Variants in EIF4G1 observed in about 807,000 individuals in gnomAD.
The protein encoded by EIF4G1 is EIF4-gamma.
EIF4G1 carries 4 observed loss-of-function variants against 187.8 expected under a neutral mutation model. That is an observed-to-expected ratio of 0.02 (90% CI 0.01 to 0.05). The LOEUF is 0.05. Among genes scored for constraint, EIF4G1 ranks in the 10% least tolerant of loss-of-function variants. The pLI, the probability that EIF4G1 is intolerant of heterozygous loss-of-function variation, is 1.00. For missense variants in EIF4G1, 1,647 were observed against 2,081.1 expected (o/e 0.79, Z 4.06); for synonymous variants, 844 against 781.4 (o/e 1.08, Z -1.34).
chr3:184,323,071 T>C lies in EIF4G1; in HGVS notation c.1930-12T>C, dbSNP rs763478731. 4.3e-6 allele frequency: 7 copies of C among 1,614,068 alleles called. No individual in the cohort carries two copies. Among genetic ancestry groups the C allele is most frequent in the Non-Finnish European group, 5.9e-6 (7 of 1,180,036 alleles). ...AGCCTGCTTCTGAGACCTTTTCCTG[T>C]CCTCTTTGCAGGCCAATAAAACACC... On this transcript the variant is annotated splice_polypyrimidine_tract_variant and intron_variant, in intron 13 of 32. Coordinates refer to ENST00000346169, the MANE Select transcript of EIF4G1 (RefSeq NM_198241.3). The surrounding 1 kb of genome is among the most constrained non-coding windows in gnomAD (Gnocchi z 6.9).
chr3:184,331,487 C>T lies in EIF4G1; in HGVS notation c.4276C>T (p.Leu1426=). The change falls in exon 30 of 33, where the codon CTG becomes TTG. Residue 1426 remains leucine, a synonymous_variant. Transcript: ENST00000346169. ...TCCATTGCAGAAGGTGGAGTATACC[C>T]TGGGAGAGGAGTCGGAAGCCCCTGG... ...FVAEQKVEYT[L]GEESEAPGQR... is the part of the protein sequence containing the mutation. The T allele has an allele frequency of 6.2e-7, 1 of 1,614,184 alleles. No individual in the cohort carries two copies. Among genetic ancestry groups the T allele is most frequent in the Non-Finnish European group, 8.5e-7 (1 of 1,180,046 alleles).
Position 184,323,439 on chromosome 3 carries a change from G to C in EIF4G1, c.2120G>C (p.Gly707Ala). 1.2e-6 allele frequency: 2 copies of C among 1,614,232 alleles called. No individual in the cohort carries two copies. The highest frequency in any genetic ancestry group is 8.5e-7 in the Non-Finnish European group (1 of 1,180,044). The change falls in exon 15 of 33, where the codon GGA becomes GCA. Residue 707 changes from glycine to alanine, a missense_variant. Gly to Ala is a moderately conservative substitution (Grantham distance 60). Coordinates refer to ENST00000346169, the MANE Select transcript of EIF4G1 (RefSeq NM_198241.3). The surrounding 1 kb of genome is among the most constrained non-coding windows in gnomAD (Gnocchi z 6.9). ...CTGGGACCCCGGCGCTCTCAGCAGG[G>C]ACCCCGAAAAGAACCACGCAAGATC... is the stretch of plus-strand genomic sequence containing the variant. ...AGLGPRRSQQGPRKEPRKIIA... is the reference protein window; with the variant it reads ...AGLGPRRSQQAPRKEPRKIIA...
intron 26 of EIF4G1, 99 bp from the exon 27 acceptor site, chr3:184,328,530 TCC>T: frequency 1.3e-6 from 2 of 1,532,054 alleles, no homozygotes; most frequent in Non-Finnish European, 1.8e-6. Flanking sequence ...TAGAAAATGT[TCC>T]TGGGGGTTCC....
chr3:184,316,605 T>C, intron 4 of EIF4G1: 3 of 1,092,020 alleles, frequency 2.7e-6, no homozygotes, highest in Non-Finnish European at 4.0e-6. Context: ...CCCCAGCTTC[T>C]TCCTTACTAA....
At chr3:184,320,531 C>T (rs915348970) in intron 7 of EIF4G1, 99 bp from the exon 8 acceptor site, 5 of 1,602,172 alleles carry the variant, frequency 3.1e-6, no homozygotes, top group Admixed American at 1.7e-5. Flanking sequence ...CTGCTTCCCG[C>T]TGGGGGGTGG....
At chr3:184,331,227 G>A (rs755587082) in intron 28 of EIF4G1, 39 bp from the exon 29 acceptor site, 1 of 1,606,552 alleles carries the variant, frequency 6.2e-7, no homozygotes, top group Non-Finnish European at 8.5e-7. Context: ...CTTGGAGAGA[G>A]AGAGCTTTGG....
chr3:184,328,212 C>T (rs951157740), intron 26 of EIF4G1: 21 of 599,152 alleles, frequency 3.5e-5, no homozygotes, highest in Non-Finnish European at 5.4e-5. Context: ...GCCTGGCCAA[C>T]ATGGTGAAAC....
intron 2 of EIF4G1, 33 bp from the exon 3 acceptor site, chr3:184,315,730 T>A (rs1301692239): frequency 8.6e-6 from 13 of 1,520,432 alleles, no homozygotes; most frequent in Admixed American, 2.0e-5. Flanking sequence ...CTTGGGTCCC[T>A]TCCTCTTCCT....
rs939317 is a variant in EIF4G1, at chr3:184,328,011, A to G, written c.3953+9A>G. The G allele has an allele frequency of 0.75, 1,206,007 of 1,602,200 alleles. 456,270 individuals carry two copies. The highest frequency in any genetic ancestry group is 0.93 in the African/African-American group (70,131 of 75,044). On this transcript the variant is annotated intron_variant, in intron 26 of 32. Transcript: ENST00000346169. ...GCTCAGTACTACCAAGGGTATGACCAGCTTCTCTGGGCCTCCCACTTATAC... is the reference window on the plus strand; with the variant it reads ...GCTCAGTACTACCAAGGGTATGACCGGCTTCTCTGGGCCTCCCACTTATAC...
At position 184,331,759 on chromosome 3, in the gene EIF4G1, A is replaced by G. The variant is rs967635382; in HGVS notation, c.4427A>G (p.Asn1476Ser). 1 of 1,614,082 alleles carries G rather than the reference A, an allele frequency of 6.2e-7. No homozygotes were observed. Among genetic ancestry groups the G allele is most frequent in the Non-Finnish European group, 8.5e-7 (1 of 1,180,044 alleles). The change falls in exon 31 of 33, where the codon AAC becomes AGC. Residue 1476 changes from asparagine to serine, a missense_variant. Physicochemically the swap from Asn to Ser is conservative, Grantham distance 46 (BLOSUM62 1). Around this residue, in one of 11 missense-constraint regions of EIF4G1, gnomAD observed 543 missense variants for 638.0 expected, o/e 0.85. Transcript: ENST00000346169. Reference protein sequence around the residue: ...ANLSEQQIVSNTLVRALMTAV... With the variant: ...ANLSEQQIVSSTLVRALMTAV... The stretch of plus-strand genomic sequence containing the variant: ...CTGAGTGAGCAGCAGATAGTATCCA[A>G]CACGTTAGTTCGAGCCCTCATGACG...
chr3:184,326,819 A>G lies in EIF4G1; in HGVS notation c.3326-62A>G, dbSNP rs1455302660. On this transcript the variant is annotated intron_variant, in intron 22 of 32. Coordinates refer to ENST00000346169, the MANE Select transcript of EIF4G1 (RefSeq NM_198241.3). ...TGGGACCAAGTGTCCTAAACTGGCA[A>G]GTAGGGGATAAAATGCAGGAAAGGA... The G allele has an allele frequency of 2.5e-6, 4 of 1,599,794 alleles. No homozygotes were observed. The African/African-American group carries it at 5.4e-5, about 21-fold the overall frequency.
At chr3:184,333,306 T>C (rs1345096530) in intron 32 of EIF4G1, among the ~76,000 whole-genome samples, 1 of 152,186 alleles carries the variant, frequency 6.6e-6, no homozygotes, top group African/African-American at 2.4e-5. Flanking sequence ...AGATGTCAGC[T>C]CAATAGCTGG....
chr3:184,322,720 A>C lies in EIF4G1; in HGVS notation c.1785A>C (p.Glu595Asp). Residue 595 changes from glutamate to aspartate, a missense_variant, in exon 12 of 33, where the codon GAA becomes GAC. This residue lies in a region of EIF4G1 where 522 missense variants were observed against 485.2 expected (regional missense o/e 1.08). Transcript: ENST00000346169. ...TCCAGCCCGGGGAACAGAAGTATGA[A>C]TATAAGTCAGGTATGCTGAAGAAAG... ...ENIQPGEQKY[E>D]YKSDQWKPLN... 2 of 1,614,252 alleles carry C rather than the reference A, an allele frequency of 1.2e-6. No individual in the cohort carries two copies. Among genetic ancestry groups the C allele is most frequent in the East Asian group, 2.2e-5 (1 of 44,890 alleles).
At position 184,322,423 on chromosome 3, in the gene EIF4G1, T is replaced by C. The variant is rs1724068110; in HGVS notation, c.1581T>C (p.Val527=). Reference sequence around the variant, plus strand: ...AGGAGCTAAATAAGAAGGAGGCTGTTGGAGACCTTCTGGATGCCTTCAAGG... The same window carrying C: ...AGGAGCTAAATAAGAAGGAGGCTGTCGGAGACCTTCTGGATGCCTTCAAGG... The part of the protein sequence containing the change: ...KIKELNKKEA[V]GDLLDAFKEA... The change falls in exon 11 of 33, where the codon GTT becomes GTC. Residue 527 remains valine, a synonymous_variant. Coordinates refer to ENST00000346169, the MANE Select transcript of EIF4G1 (RefSeq NM_198241.3). 2 of 1,614,080 alleles carry C rather than the reference T, an allele frequency of 1.2e-6. No homozygotes were observed. Among genetic ancestry groups the C allele is most frequent in the South Asian group, 2.2e-5 (2 of 91,086 alleles).
rs1469359721 is a variant in EIF4G1 at position 184,323,428 on chromosome 3, C to T, written c.2109C>T (p.Arg703=). 8 of 1,614,216 alleles carry T rather than the reference C, an allele frequency of 5.0e-6. No individual in the cohort carries two copies. Among genetic ancestry groups the T allele is most frequent in the East Asian group, 2.2e-5 (1 of 44,886 alleles). ...AGCAGGCTGGCCTGGGACCCCGGCG[C>T]TCTCAGCAGGGACCCCGAAAAGAAC... ...PRGPAGLGPR[R]SQQGPRKEPR... is the part of the protein sequence containing the mutation. Residue 703 remains arginine, a synonymous_variant, in exon 15 of 33, where the codon CGC becomes CGT. Transcript: ENST00000346169. The surrounding 1 kb of genome is among the most constrained non-coding windows in gnomAD (Gnocchi z 6.9).
chr3:184,316,900 G>A (rs980626381), intron 4 of EIF4G1, among the ~76,000 whole-genome samples: 2 of 152,220 alleles, frequency 1.3e-5, no homozygotes, highest in Non-Finnish European at 2.9e-5. Flanking sequence ...ACATCTTGAA[G>A]AACGCGCATC....
chr3:184,320,418 T>C, intron 7 of EIF4G1: 1 of 1,470,542 alleles, frequency 6.8e-7, no homozygotes, highest in Non-Finnish European at 9.0e-7. Context: ...AGGGCTGCTC[T>C]GTGAGATCAA....
In EIF4G1 at chr3:184,321,898, C is replaced by A. The variant is rs201989694; in HGVS notation, c.1314C>A (p.Pro438=). Residue 438 remains proline, a synonymous_variant, in exon 10 of 33, where the codon CCC becomes CCA. Coordinates refer to ENST00000346169, the MANE Select transcript of EIF4G1 (RefSeq NM_198241.3). The stretch of plus-strand genomic sequence containing the variant: ...CATCAATGGCGCCCCCCACCATCCC[C>A]TCTGCTACTCCAGCTACGGCTCCTT... The part of the protein sequence containing the change: ...VTASMAPPTI[P]SATPATAPSA... 2.5e-6 allele frequency: 4 copies of A among 1,614,202 alleles called. No homozygotes were observed. In the South Asian group the frequency reaches 4.4e-5, roughly 18 times the overall value.
Position 184,322,403 on chromosome 3 carries a change from C to G in EIF4G1, c.1561C>G (p.Leu521Val). The G allele has an allele frequency of 6.2e-7, 1 of 1,614,024 alleles. No individual in the cohort carries two copies. Among genetic ancestry groups the G allele is most frequent in the Non-Finnish European group, 8.5e-7 (1 of 1,180,022 alleles). The change falls in exon 11 of 33, where the codon CTA becomes GTA. Residue 521 changes from leucine to valine, a missense_variant. Physicochemically the swap from Leu to Val is conservative, Grantham distance 32. This residue lies in a region of EIF4G1 where 522 missense variants were observed against 485.2 expected (regional missense o/e 1.08). Transcript: ENST00000346169. ...VPKRRRKIKELNKKEAVGDLL... is the reference protein window; with the variant it reads ...VPKRRRKIKEVNKKEAVGDLL... ...AAAGAGGAGACGGAAAATTAAGGAG[C>G]TAAATAAGAAGGAGGCTGTTGGAGA...
Sources: allele counts gnomAD v4.1 joint callset (sites outside exome capture counted in the v4.1 genomes callset), GRCh38; gene constraint gnomAD v4.1.1; regional missense constraint gnomAD v4.1.1; non-coding constraint Gnocchi (gnomAD v3.1); transcripts MANE v1.5; gene names NCBI Gene and HGNC (gene_info 2026-07-23, HGNC 2026-07-21).